The following GALNT11 variants were observed in gnomAD, a reference collection of about 807,000 sequenced individuals.
GALNT11 encodes UDP-GalNAc:polypeptide N-acetylgalactosaminyltransferase 11.
A neutral mutation model predicts 72.7 loss-of-function variants in GALNT11; 47 were observed. That is an observed-to-expected ratio of 0.65 (90% CI 0.51 to 0.82). The LOEUF (loss-of-function observed/expected upper bound fraction) is 0.82, where lower values mean the gene tolerates loss of function less well. Among genes scored for constraint, GALNT11 ranks in the 40% least tolerant of loss-of-function variants. The pLI, the probability that GALNT11 is intolerant of heterozygous loss-of-function variation, is 0.00. For synonymous variants in GALNT11, 270 were observed against 286.6 expected, an observed-to-expected ratio of 0.94 and a Z score of 0.58; for missense variants, 677 against 778.4, an observed-to-expected ratio of 0.87 and a Z score of 1.55.
chr7:152,048,552 C>T (rs897613464), intron 1 of GALNT11, among the ~76,000 whole-genome samples: 7 of 150,204 alleles, frequency 4.7e-5, no homozygotes, highest in Admixed American at 2.0e-4. Flanking sequence ...TTTTTTGAGA[C>T]GGAGTCTCAC....
intron 1 of GALNT11, among the ~76,000 whole-genome samples, chr7:152,090,607 CT>C (rs1053711282): frequency 2.0e-4 from 31 of 152,190 alleles, no homozygotes; most frequent in African/African-American, 7.2e-4. Flanking sequence ...CTTGACCCCA[CT>C]GGTCGCACTC....
rs562263204 is a variant in GALNT11 at position 152,121,569 on chromosome 7, G to A, written c.1719G>A (p.Val573=). The A allele has an allele frequency of 1.9e-6, 3 of 1,611,950 alleles. No individual in the cohort carries two copies. The highest frequency in any genetic ancestry group is 1.3e-5 in the African/African-American group (1 of 74,928). The part of the protein sequence containing the change: ...TFGKNNRLYQ[V]SVGQCLRAVD... ...AGAAAAACAATCGGCTATACCAGGTGTCGGTTGGACAGTGCCTGAGAGCAG... is the reference window on the plus strand; with the variant it reads ...AGAAAAACAATCGGCTATACCAGGTATCGGTTGGACAGTGCCTGAGAGCAG... The change falls in exon 12 of 12, where the codon GTG becomes GTA. Residue 573 remains valine, a synonymous_variant. Transcript: ENST00000430044.
In GALNT11 at chr7:152,078,192, A is replaced by C. The variant is rs545148434; in HGVS notation, c.-38-15998A>C. 1.2e-4 allele frequency among the ~76,000 whole-genome samples: 18 copies of C among 152,180 alleles called. No homozygotes were observed. The South Asian group carries it at 3.5e-3, about 30-fold the overall frequency. On this transcript the variant is annotated intron_variant, in intron 1 of 11. Transcript: ENST00000430044. The stretch of plus-strand genomic sequence containing the variant: ...TTTGAATCCTAGAAGGAGAAGAGGG[A>C]GGGGGGTAGAAGGAATATTTGTTTT...
intron 1 of GALNT11, among the ~76,000 whole-genome samples, chr7:152,069,083 C>T (rs1242660788): frequency 1.3e-5 from 2 of 152,252 alleles, no homozygotes; most frequent in African/African-American, 2.4e-5. Context: ...TAATGCTGCA[C>T]GTTTTTCTCT....
intron 1 of GALNT11, among the ~76,000 whole-genome samples, chr7:152,068,658 T>A (rs182749398): frequency 2.0e-5 from 3 of 152,300 alleles, no homozygotes; most frequent in Admixed American, 1.3e-4. Context: ...TTCTCTTTTT[T>A]CTAAGGGAAG....
In GALNT11 at chr7:152,048,703, T is replaced by C. The variant is rs551571959; in HGVS notation, c.-39+22819T>C. On this transcript the variant is annotated intron_variant, in intron 1 of 11. Coordinates refer to ENST00000430044, the MANE Select transcript of GALNT11 (RefSeq NM_022087.4). Reference sequence around the variant, plus strand: ...CACCACCACGCCTGGCTAATTTTTTTGTATTTTTAGTAGAGACGGGGTTTC... The same window carrying C: ...CACCACCACGCCTGGCTAATTTTTTCGTATTTTTAGTAGAGACGGGGTTTC... Among the ~76,000 whole-genome samples, 88 of 151,928 alleles carry C rather than the reference T, an allele frequency of 5.8e-4. 1 individual carries two copies. The South Asian group carries it at 0.018, about 31-fold the overall frequency.
chr7:152,051,001 G>A (rs181881320), intron 1 of GALNT11, among the ~76,000 whole-genome samples: 30 of 152,270 alleles, frequency 2.0e-4, no homozygotes, highest in African/African-American at 6.5e-4. Context: ...GAGGGGTGGT[G>A]TCAGCAATTC....
chr7:152,051,765 T>C (rs2083418241), intron 1 of GALNT11, among the ~76,000 whole-genome samples: 1 of 152,230 alleles, frequency 6.6e-6, no homozygotes, highest in Admixed American at 6.5e-5. Context: ...AACCTCTCTT[T>C]ATGCTCAGTG....
intron 2 of GALNT11, among the ~76,000 whole-genome samples, chr7:152,096,129 A>G (rs943125164): frequency 1.3e-5 from 2 of 152,222 alleles, no homozygotes; most frequent in Non-Finnish European, 2.9e-5. Flanking sequence ...AAGTAAACCT[A>G]CACACATTGA....
rs930718189 is a variant in GALNT11 at position 152,105,430 on chromosome 7, C to T, written c.712+60C>T. ...TGGATGACAAGGGCTCGAGCCTCAG[C>T]GCCTGTCCTGATTCTGCAAAGTCTA... On this transcript the variant is annotated intron_variant, in intron 5 of 11. Transcript: ENST00000430044. 39 of 1,567,788 alleles carry T rather than the reference C, an allele frequency of 2.5e-5. 1 individual carries two copies. In the South Asian group the frequency reaches 3.6e-4, roughly 15 times the overall value.
At chr7:152,026,456 C>T (rs1343895310) in intron 1 of GALNT11, among the ~76,000 whole-genome samples, 3 of 152,190 alleles carry the variant, frequency 2.0e-5, no homozygotes. Context: ...TGTGGACCTC[C>T]ACATCTTTAC....
chr7:152,110,155 C>T (rs2088025040), intron 6 of GALNT11, among the ~76,000 whole-genome samples: 1 of 152,194 alleles, frequency 6.6e-6, no homozygotes, highest in African/African-American at 2.4e-5. Flanking sequence ...GAGTCCAACT[C>T]CCAACGTGTG....
chr7:152,108,049 G>T lies in GALNT11; in HGVS notation c.724G>T (p.Val242Leu), dbSNP rs2087780842. 1 of 1,608,832 alleles carries T rather than the reference G, an allele frequency of 6.2e-7. No individual in the cohort carries two copies. The highest frequency in any genetic ancestry group is 1.3e-5 in the African/African-American group (1 of 74,840). The change falls in exon 6 of 12, where the codon GTG (valine) becomes TTG (leucine). Residue 242 changes from valine to leucine, a missense_variant. Val to Leu is a conservative substitution (Grantham distance 32, BLOSUM62 1). Transcript: ENST00000430044. ...GAAHATGEVL[V>L]FLDSHCEVNV... ...TGTTTCCTCCCCAGGAGAAGTCCTT[G>T]TGTTCCTGGACAGCCACTGTGAAGT...
intron 1 of GALNT11, among the ~76,000 whole-genome samples, chr7:152,064,884 C>T (rs2084219118): frequency 6.6e-6 from 1 of 152,224 alleles, no homozygotes; most frequent in Non-Finnish European, 1.5e-5. Flanking sequence ...CTGCCCTTAA[C>T]ATTTTTTCCT....
intron 1 of GALNT11, among the ~76,000 whole-genome samples, chr7:152,068,399 GTTCA>G (rs535033429): frequency 1.1e-3 from 163 of 152,180 alleles, no homozygotes; most frequent in Non-Finnish European, 2.0e-3. Context: ...ATGTACCACT[GTTCA>G]TTCATCTTTT....
intron 1 of GALNT11, among the ~76,000 whole-genome samples, chr7:152,062,804 A>G (rs144347471): frequency 0.051 from 7,733 of 152,154 alleles, 341 homozygotes; most frequent in East Asian, 0.2. Context: ...CTTGCATCCC[A>G]GGGATGAAGC....
At chr7:152,114,040 G>A (rs1242387677) in intron 8 of GALNT11, among the ~76,000 whole-genome samples, 2 of 151,572 alleles carry the variant, frequency 1.3e-5, no homozygotes, top group Non-Finnish European at 1.5e-5. Flanking sequence ...CTGGGACTAC[G>A]TGTGTGAGCC....
chr7:152,053,808 A>G (rs1280098304), intron 1 of GALNT11, among the ~76,000 whole-genome samples: 1 of 152,248 alleles, frequency 6.6e-6, no homozygotes, highest in African/African-American at 2.4e-5. Context: ...AGCCTGAGCA[A>G]CATAAATAAA....
At chr7:152,090,632 G>A (rs1717197350) in intron 1 of GALNT11, among the ~76,000 whole-genome samples, 1 of 151,866 alleles carries the variant, frequency 6.6e-6, no homozygotes, top group Admixed American at 6.6e-5. Context: ...AAGAGCCTTT[G>A]CTCTTATTCC....
Sources: allele counts gnomAD v4.1 joint callset (sites outside exome capture counted in the v4.1 genomes callset), GRCh38; gene constraint gnomAD v4.1.1; transcripts MANE v1.5; gene names NCBI Gene and HGNC (gene_info 2026-07-23, HGNC 2026-07-21).